Variants in GRM8 observed in about 807,000 individuals in gnomAD.
GRM8 encodes glutamate metabotropic receptor 8, also known as metabotropic glutamate receptor 8.
GRM8 carries 47 observed loss-of-function variants against 87.2 expected under a neutral mutation model. The observed-to-expected ratio is 0.54, with a 90% CI of 0.43 to 0.69. GRM8 has a LOEUF of 0.69. Among genes scored for constraint, GRM8 ranks in the 30% least tolerant of loss-of-function variants. The probability of loss-of-function intolerance (pLI) is 0.00; values close to 1 mark genes in which losing one functional copy is unlikely to be tolerated. For synonymous variants in GRM8, 396 were observed against 404.5 expected (o/e 0.98, Z 0.25); for missense variants, 1,019 against 1,139.2 (o/e 0.89, Z 1.52).
chr7:126,855,075 A>G (rs1797553738), intron 6 of GRM8, among the ~76,000 whole-genome samples: 1 of 152,194 alleles, frequency 6.6e-6, no homozygotes, highest in Non-Finnish European at 1.5e-5. Flanking sequence ...TTTGTCATAG[A>G]TGGCTTTTAT....
intron 7 of GRM8, among the ~76,000 whole-genome samples, chr7:126,767,059 A>G (rs1818274274): frequency 6.6e-6 from 1 of 152,184 alleles, no homozygotes; most frequent in African/African-American, 2.4e-5. Context: ...GAAGTGGACC[A>G]GCCAGGGCTA....
At chr7:126,466,725 T>C in intron 9 of GRM8, among the ~76,000 whole-genome samples, 1 of 151,924 alleles carries the variant, frequency 6.6e-6, no homozygotes, top group East Asian at 2.0e-4. Flanking sequence ...TTTCCCTTCC[T>C]GTACCTTTTT....
chr7:126,732,913 G>A (rs575409297), intron 7 of GRM8, among the ~76,000 whole-genome samples: 71 of 152,120 alleles, frequency 4.7e-4, no homozygotes, highest in African/African-American at 1.6e-3. Flanking sequence ...CCCAACCATG[G>A]CCTATGGGCT....
Position 126,685,120 on chromosome 7 carries a change from C to T in GRM8, c.1358-75622G>A, listed in dbSNP as rs1041835181. ...GCCGGGCAGTACCCACTCCAGGCCC[C>T]GGCCCCGCTTGCCACTCTTGACAGC... On this transcript the variant is annotated intron_variant, in intron 7 of 10. Transcript: ENST00000339582. The surrounding 1 kb of genome is among the most constrained non-coding windows in gnomAD (Gnocchi z 4.2). 3.3e-5 allele frequency among the ~76,000 whole-genome samples: 5 copies of T among 152,190 alleles called. No individual in the cohort carries two copies. Among genetic ancestry groups the T allele is most frequent in the South Asian group, 2.1e-4 (1 of 4,832 alleles).
chr7:127,043,603 G>A (rs62468872), intron 3 of GRM8, among the ~76,000 whole-genome samples: 12,100 of 152,090 alleles, frequency 0.08, 523 homozygotes, highest in South Asian at 0.13. Flanking sequence ...CATCACACAC[G>A]GGGCCTGTTG....
chr7:126,620,551 G>A (rs1323493204), intron 7 of GRM8, among the ~76,000 whole-genome samples: 1 of 152,000 alleles, frequency 6.6e-6, no homozygotes, highest in African/African-American at 2.4e-5. Flanking sequence ...ATTGCGCAGG[G>A]GAAGAATATG....
intron 7 of GRM8, among the ~76,000 whole-genome samples, chr7:126,738,447 C>T (rs1387326072): frequency 6.6e-6 from 1 of 152,006 alleles, no homozygotes; most frequent in African/African-American, 2.4e-5. Context: ...GTAGTTTAAA[C>T]TGGTTCAAGT....
intron 2 of GRM8, among the ~76,000 whole-genome samples, chr7:127,184,973 C>T (rs1794655884): frequency 6.6e-6 from 1 of 151,852 alleles, no homozygotes; most frequent in Non-Finnish European, 1.5e-5. Context: ...TAAACAAAAT[C>T]TAAATAAATG....
At chr7:127,157,146 G>A (rs1189583795) in intron 2 of GRM8, among the ~76,000 whole-genome samples, 1 of 151,664 alleles carries the variant, frequency 6.6e-6, no homozygotes, top group Non-Finnish European at 1.5e-5. Context: ...GGAAAAGAAG[G>A]AAGAGAGGAA....
chr7:127,241,209 C>T (rs377697783), intron 2 of GRM8, among the ~76,000 whole-genome samples: 2 of 152,288 alleles, frequency 1.3e-5, no homozygotes, highest in South Asian at 2.1e-4. Context: ...GCTGCACAGC[C>T]ACTCAAGGGG....
intron 2 of GRM8, among the ~76,000 whole-genome samples, chr7:127,236,006 T>C (rs1049002062): frequency 6.6e-6 from 1 of 151,196 alleles, no homozygotes; most frequent in Non-Finnish European, 1.5e-5. Context: ...TGAGAATGTG[T>C]TCATATATTT....
intron 8 of GRM8, among the ~76,000 whole-genome samples, chr7:126,560,087 C>T (rs1177686273): frequency 6.6e-6 from 1 of 152,176 alleles, no homozygotes; most frequent in East Asian, 1.9e-4. Context: ...ACACTTACAA[C>T]CTGTGCTGCC....
chr7:126,976,011 G>T (rs574644957), intron 3 of GRM8, among the ~76,000 whole-genome samples: 2 of 152,220 alleles, frequency 1.3e-5, no homozygotes, highest in South Asian at 4.1e-4. Context: ...ATCAGGGACT[G>T]CCAAGGACAT....
intron 6 of GRM8, among the ~76,000 whole-genome samples, chr7:126,892,417 G>A (rs994621966): frequency 2.0e-5 from 3 of 152,090 alleles, no homozygotes; most frequent in African/African-American, 7.2e-5. Context: ...ATAGTTTACT[G>A]AGAATGATGA....
chr7:126,832,305 G>T (rs964873194), intron 6 of GRM8, among the ~76,000 whole-genome samples: 2 of 152,076 alleles, frequency 1.3e-5, no homozygotes, highest in African/African-American at 4.8e-5. Context: ...ATGGTTTTAT[G>T]ATATCAATTT....
At chr7:127,242,058 T>A (rs1358627898) in intron 2 of GRM8, among the ~76,000 whole-genome samples, 1 of 152,210 alleles carries the variant, frequency 6.6e-6, no homozygotes, top group African/African-American at 2.4e-5. Flanking sequence ...AAGTCTAATT[T>A]ATCCTGCTAA....
chr7:126,815,491 C>T (rs1290151584), intron 6 of GRM8, among the ~76,000 whole-genome samples: 1 of 152,140 alleles, frequency 6.6e-6, no homozygotes, highest in Non-Finnish European at 1.5e-5. Flanking sequence ...TCAGTCTTAA[C>T]TCATCAGCAG....
At chr7:126,805,509 G>A (rs917404030) in intron 6 of GRM8, among the ~76,000 whole-genome samples, 28 of 152,078 alleles carry the variant, frequency 1.8e-4, no homozygotes, top group Admixed American at 1.8e-3. Context: ...ATTACTAGAG[G>A]TTCCACTGAG....
At chr7:126,771,099 G>A (rs537790140) in intron 6 of GRM8, among the ~76,000 whole-genome samples, 32 of 152,106 alleles carry the variant, frequency 2.1e-4, no homozygotes, top group African/African-American at 7.5e-4. Flanking sequence ...ACAAAAGCAA[G>A]TATTTTAAAC....
Sources: gnomAD v4.1 joint callset for allele counts (sites outside exome capture counted in the v4.1 genomes callset) on GRCh38, gnomAD v4.1.1 for gene constraint, Gnocchi (gnomAD v3.1) non-coding constraint, MANE v1.5 for transcripts, NCBI Gene and HGNC (gene_info 2026-07-23, HGNC 2026-07-21) for gene names.